RPS11: variants seen among roughly 807,000 people sequenced by gnomAD.
The protein encoded by RPS11 is small ribosomal subunit protein uS17.
For missense variants in RPS11, 127 were observed against 211.4 expected, an observed-to-expected ratio of 0.60 and a Z score of 2.48; for synonymous variants, 107 against 78.0, an observed-to-expected ratio of 1.37 and a Z score of -1.96.
Position 49,497,235 on chromosome 19 carries a change from C to G in RPS11, c.57C>G (p.Asn19Lys). Residue 19 changes from asparagine (N) to lysine (K), a missense_variant, in exon 2 of 5, where the codon AAC becomes AAG. Coordinates refer to ENST00000270625, the MANE Select transcript of RPS11 (RefSeq NM_001015.5). Reference sequence around the variant, plus strand: ...AAAAGCAGCCGACCATCTTTCAAAACAAGAAGAGGGTCCTGCTGGGAGAAA... The same window carrying G: ...AAAAGCAGCCGACCATCTTTCAAAAGAAGAAGAGGGTCCTGCTGGGAGAAA... Reference protein sequence around the residue: ...AYQKQPTIFQNKKRVLLGETG... With the variant: ...AYQKQPTIFQKKKRVLLGETG... 1 of 1,614,078 alleles carries G rather than the reference C, an allele frequency of 6.2e-7. No homozygotes were observed. The highest frequency in any genetic ancestry group is 8.5e-7 in the Non-Finnish European group (1 of 1,180,010).
intron 1 of RPS11, 135 bp downstream of exon 1, chr19:49,496,606 G>A: frequency 3.2e-6 from 3 of 925,908 alleles, no homozygotes; most frequent in Non-Finnish European, 4.8e-6. Flanking sequence ...GAGATTAACT[G>A]GAGTGGAGGG....
Position 49,496,470 on chromosome 19 carries a change from A to G in RPS11, c.14A>G (p.Gln5Arg). Residue 5 changes from glutamine to arginine, a missense_variant and splice_region_variant, in exon 1 of 5, where the codon CAG (glutamine) becomes CGG (arginine). Gln to Arg is a conservative substitution (Grantham distance 43). Coordinates refer to ENST00000270625, the MANE Select transcript of RPS11 (RefSeq NM_001015.5). MADI[Q>R]TERAYQKQPT... Reference sequence around the variant, plus strand: ...GCGGCCGGGAAGATGGCGGACATTCAGGTGCGGACTCGGGGTTGGATGCCA... The same window carrying G: ...GCGGCCGGGAAGATGGCGGACATTCGGGTGCGGACTCGGGGTTGGATGCCA... 6.2e-7 allele frequency: 1 copy of G among 1,611,282 alleles called. No homozygotes were observed. The highest frequency in any genetic ancestry group is 8.5e-7 in the Non-Finnish European group (1 of 1,178,872).
chr19:49,496,851 C>G (rs1461025321), intron 1 of RPS11, among the ~76,000 whole-genome samples: 1 of 151,962 alleles, frequency 6.6e-6, no homozygotes, highest in African/African-American at 2.4e-5. Flanking sequence ...GGAGTGAATC[C>G]TGGGTGGGCG....
chr19:49,499,150 CTG>C (rs1167331204), intron 4 of RPS11, among the ~76,000 whole-genome samples: 1 of 152,118 alleles, frequency 6.6e-6, no homozygotes, highest in Non-Finnish European at 1.5e-5. Context: ...GTGGCCCAAA[CTG>C]ATGCTGAGCG....
Position 49,497,996 on chromosome 19 carries a change from C to T in RPS11, c.303C>T (p.Arg101=), listed in dbSNP as rs547544714. The part of the protein sequence containing the change: ...DYLHYIRKYN[R]FEKRHKNMSV... ...TGCACTACATCCGCAAGTACAACCGCTTCGAGAAGCGCCACAAGAACATGT... is the reference window on the plus strand; with the variant it reads ...TGCACTACATCCGCAAGTACAACCGTTTCGAGAAGCGCCACAAGAACATGT... The change falls in exon 4 of 5, where the codon CGC becomes CGT. Residue 101 remains arginine, a synonymous_variant. Coordinates refer to ENST00000270625, the MANE Select transcript of RPS11 (RefSeq NM_001015.5). The T allele has an allele frequency of 1.9e-6, 3 of 1,613,872 alleles. No homozygotes were observed. The highest frequency in any genetic ancestry group is 2.2e-5 in the East Asian group (1 of 44,888).
At chr19:49,498,442 C>A (rs1029873899) in intron 4 of RPS11, among the ~76,000 whole-genome samples, 1 of 152,170 alleles carries the variant, frequency 6.6e-6, no homozygotes, top group Non-Finnish European at 1.5e-5. Context: ...AAAGGTGTCA[C>A]GCTGGTATTG....
intron 4 of RPS11, among the ~76,000 whole-genome samples, chr19:49,499,080 G>C (rs1198282204): frequency 6.6e-6 from 1 of 152,184 alleles, no homozygotes; most frequent in African/African-American, 2.4e-5. Context: ...GATATTGGTG[G>C]CCCTCTGGGC....
chr19:49,498,952 G>A (rs575578195), intron 4 of RPS11, among the ~76,000 whole-genome samples: 72 of 152,204 alleles, frequency 4.7e-4, no homozygotes, highest in Non-Finnish European at 7.9e-4. Context: ...TGTGGTGTGA[G>A]ATGTTTGGGG....
At chr19:49,498,872 C>G (rs1260587198) in intron 4 of RPS11, among the ~76,000 whole-genome samples, 4 of 152,172 alleles carry the variant, frequency 2.6e-5, no homozygotes, top group Non-Finnish European at 5.9e-5. Flanking sequence ...ATGGGAACCT[C>G]AGAAATGTTG....
At chr19:49,497,858 G>T (rs2079914773) in intron 3 of RPS11, 59 bp from the exon 4 acceptor site, 1 of 1,610,996 alleles carries the variant, frequency 6.2e-7, no homozygotes, top group African/African-American at 1.3e-5. Flanking sequence ...AGCATGCCCT[G>T]GGTTACCTAT....
At position 49,497,908 on chromosome 19, in the gene RPS11, C is replaced by G. The variant is rs760372259; in HGVS notation, c.224-9C>G. On this transcript the variant is annotated splice_polypyrimidine_tract_variant and intron_variant, in intron 3 of 4. Coordinates refer to ENST00000270625, the MANE Select transcript of RPS11 (RefSeq NM_001015.5). ...TGGGACCTGACCTATGATCGGCCCCCGCTCCTAGGCGTGGTGACCAAGATG... is the reference window on the plus strand; with the variant it reads ...TGGGACCTGACCTATGATCGGCCCCGGCTCCTAGGCGTGGTGACCAAGATG... 3 of 1,614,014 alleles carry G rather than the reference C, an allele frequency of 1.9e-6. No homozygotes were observed. Among genetic ancestry groups the G allele is most frequent in the African/African-American group, 1.3e-5 (1 of 74,908 alleles).
At chr19:49,498,324 C>T (rs894560453) in intron 4 of RPS11, 6 of 452,402 alleles carry the variant, frequency 1.3e-5, no homozygotes, top group African/African-American at 9.9e-5. Flanking sequence ...ACAAGAAGCT[C>T]ATTTGTTTCA....
chr19:49,498,994 C>T (rs1296499267), intron 4 of RPS11, among the ~76,000 whole-genome samples: 1 of 152,152 alleles, frequency 6.6e-6, no homozygotes, highest in African/African-American at 2.4e-5. Flanking sequence ...AAGTCCTGCT[C>T]CCTCAGAGGG....
Position 49,497,560 on chromosome 19 carries a change from C to T in RPS11, c.188C>T (p.Thr63Ile). 3 of 1,614,028 alleles carry T rather than the reference C, an allele frequency of 1.9e-6. No homozygotes were observed. The highest frequency in any genetic ancestry group is 2.2e-5 in the South Asian group (2 of 91,082). ...TACATTGACAAGAAATGCCCCTTCA[C>T]TGGTAATGTGTCCATTCGAGGGCGG... is the stretch of plus-strand genomic sequence containing the variant. ...GTYIDKKCPF[T>I]GNVSIRGRIL... Residue 63 changes from threonine to isoleucine, a missense_variant, in exon 3 of 5, where the codon ACT becomes ATT. Transcript: ENST00000270625.
In RPS11 at chr19:49,497,205, C is replaced by G; in HGVS notation, c.27C>G (p.Ala9=). MADIQTER[A]YQKQPTIFQN... ...CTCATAATCTGTAGACTGAGCGTGC[C>G]TACCAAAAGCAGCCGACCATCTTTC... Residue 9 remains alanine (A), a synonymous_variant, in exon 2 of 5, where the codon GCC becomes GCG. Transcript: ENST00000270625. 1 of 1,613,910 alleles carries G rather than the reference C, an allele frequency of 6.2e-7. No homozygotes were observed. The highest frequency in any genetic ancestry group is 8.5e-7 in the Non-Finnish European group (1 of 1,180,010).
chr19:49,498,123 C>G, intron 4 of RPS11, 77 bp downstream of exon 4: 1 of 1,523,224 alleles, frequency 6.6e-7, no homozygotes, highest in South Asian at 1.1e-5. Flanking sequence ...CAATTTAAGG[C>G]CAACTGAGGG....
rs201086291 is a variant in RPS11 at position 49,497,341 on chromosome 19, G to T, written c.147+16G>T. On this transcript the variant is annotated intron_variant, in intron 2 of 4. Coordinates refer to ENST00000270625, the MANE Select transcript of RPS11 (RefSeq NM_001015.5). ...ACCCAAGGAGGTGCGGGGAACCTCA[G>T]AAGAAAGAAGGGGAACCTGGCGTTC... 2 of 1,613,884 alleles carry T rather than the reference G, an allele frequency of 1.2e-6. No individual in the cohort carries two copies. Among genetic ancestry groups the T allele is most frequent in the Non-Finnish European group, 1.7e-6 (2 of 1,179,850 alleles).
At chr19:49,497,623 G>A (rs375879829) in intron 3 of RPS11, 28 bp downstream of exon 3, 38 of 1,598,678 alleles carry the variant, frequency 2.4e-5, no homozygotes, top group African/African-American at 8.1e-5. Context: ...TGGTGTCTGG[G>A]GCCTGAAATA....
At chr19:49,496,675 G>T (rs1181394607) in intron 1 of RPS11, among the ~76,000 whole-genome samples, 2 of 152,144 alleles carry the variant, frequency 1.3e-5, no homozygotes, top group Non-Finnish European at 2.9e-5. Flanking sequence ...TGGCGTTAAT[G>T]GAGGCTCAAG....
Sources: gnomAD v4.1 joint callset for allele counts (sites outside exome capture counted in the v4.1 genomes callset) on GRCh38, gnomAD v4.1.1 for gene constraint, MANE v1.5 for transcripts, NCBI Gene and HGNC (gene_info 2026-07-23, HGNC 2026-07-21) for gene names.